The following SH3D21 variants were observed in gnomAD, a reference collection of about 807,000 sequenced individuals.
SH3D21 encodes the protein manchette microtubule inner protein 1, also known as SH3 domain-containing protein 21.
A neutral mutation model predicts 82.1 loss-of-function variants in SH3D21; 83 were observed. The ratio of observed to expected loss-of-function variants is 1.01; its 90% CI spans 0.85 to 1.21. The LOEUF is 1.21. SH3D21 is among the 50% of genes most tolerant of loss of function. The pLI is 0.00. For synonymous variants in SH3D21, 383 were observed against 387.8 expected (o/e 0.99, Z 0.15); for missense variants, 980 against 962.1 (o/e 1.02, Z -0.25).
In SH3D21 at chr1:36,307,988, C is replaced by T; in HGVS notation, c.538+25C>T. 1 of 1,551,574 alleles carries T rather than the reference C, an allele frequency of 6.4e-7. No homozygotes were observed. Among genetic ancestry groups the T allele is most frequent in the South Asian group, 1.2e-5 (1 of 84,050 alleles). The stretch of plus-strand genomic sequence containing the variant: ...GGTGAGCACCCATCCAAAGGGTCCC[C>T]CACTCCCTCAGCCACTCCCAAGGTT... On this transcript the variant is annotated intron_variant, in intron 7 of 15. Transcript: ENST00000453908. The surrounding 1 kb of genome is among the most constrained non-coding windows in gnomAD (Gnocchi z 5.4).
At chr1:36,312,169 C>T (rs557067471) in intron 10 of SH3D21, among the ~76,000 whole-genome samples, 25 of 151,948 alleles carry the variant, frequency 1.6e-4, no homozygotes, top group Middle Eastern at 6.8e-3. Flanking sequence ...GGACTACAGA[C>T]GCCCGCTACC....
chr1:36,313,992 T>TTTTTTTTTTTTTTTTTTTTTTTG (rs71053921), intron 10 of SH3D21, among the ~76,000 whole-genome samples: 1 of 106,772 alleles, frequency 9.4e-6, no homozygotes, highest in African/African-American at 3.4e-5. Flanking sequence ...TTTTTTTTTT[T>TTTTTTTTTTTTTTTTTTTTTTTG]GAGACGGAGT....
At chr1:36,326,582 A>C (rs573697353), downstream of SH3D21, among the ~76,000 whole-genome samples, 26 of 152,242 alleles carry the variant, frequency 1.7e-4, no homozygotes, top group South Asian at 5.2e-3. Context: ...AGCGTTGAGC[A>C]GGGGAGTGTC....
At chr1:36,310,910 GT>G (rs950679725) in intron 10 of SH3D21, among the ~76,000 whole-genome samples, 131 of 151,388 alleles carry the variant, frequency 8.7e-4, no homozygotes, top group African/African-American at 2.7e-3. Flanking sequence ...TGGTTTGTTT[GT>G]TTTTTTTTTT....
In SH3D21 at chr1:36,306,961, C is replaced by T; in HGVS notation, c.226+56C>T. On this transcript the variant is annotated intron_variant, in intron 3 of 15. Coordinates refer to ENST00000453908, the MANE Select transcript of SH3D21 (RefSeq NM_001162530.2). The surrounding 1 kb of genome is among the most constrained non-coding windows in gnomAD (Gnocchi z 4.5). ...GGGCGGGTGCACGGAGCCAGTGCGA[C>T]CCCGGCGTCTCCGGCTCTTAGTGAC... The T allele has an allele frequency of 7.4e-7, 1 of 1,345,288 alleles. No individual in the cohort carries two copies. The highest frequency in any genetic ancestry group is 9.6e-7 in the Non-Finnish European group (1 of 1,040,408). The allele number at this position is 1,345,288 out of a possible 1,614,324, so 83.3% of individuals were successfully genotyped here. A position where few individuals can be genotyped will look rare whatever the true frequency, so the allele number is the denominator to read the frequency against.
chr1:36,313,967 A>ATTTTATTTTTTT (rs1207014644), intron 10 of SH3D21, among the ~76,000 whole-genome samples: 2 of 36,936 alleles, frequency 5.4e-5, no homozygotes, highest in African/African-American at 7.0e-5. Flanking sequence ...TGCTGAACAT[A>ATTTTATTTTTTT]TTTTCTTTTT....
chr1:36,320,631 A>C lies in SH3D21; in HGVS notation c.1968A>C (p.Lys656Asn), dbSNP rs766817395. ...VPPIERAFAQ[K>N]TRPIKPPPDS... ...CCATAGAAAGAGCCTTTGCCCAAAA[A>C]ACACGTCCTATCAAGCCGCCTCCAG... The change falls in exon 14 of 16, where the codon AAA becomes AAC. Residue 656 changes from lysine to asparagine, a missense_variant. Coordinates refer to ENST00000453908, the MANE Select transcript of SH3D21 (RefSeq NM_001162530.2). 3.7e-6 allele frequency: 6 copies of C among 1,614,124 alleles called. No homozygotes were observed. The highest frequency in any genetic ancestry group is 5.1e-6 in the Non-Finnish European group (6 of 1,180,044).
downstream of SH3D21, chr1:36,322,417 C>T (rs1484923151): frequency 1.2e-6 from 2 of 1,602,110 alleles, no homozygotes; most frequent in South Asian, 2.2e-5. Context: ...TCGCGCTCCT[C>T]CAGCCGCTGC....
Position 36,308,177 on chromosome 1 carries a change from C to T in SH3D21, c.607C>T (p.Arg203Trp), listed in dbSNP as rs370229260. Residue 203 changes from arginine to tryptophan, a missense_variant, in exon 8 of 16, where the codon CGG (arginine) becomes TGG (tryptophan). Coordinates refer to ENST00000453908, the MANE Select transcript of SH3D21 (RefSeq NM_001162530.2). ...TGAGGCCCCAGACGAGTTGGCGCTGCGGAGGGGGGACGTGGTAAAAGTACT... is the reference window on the plus strand; with the variant it reads ...TGAGGCCCCAGACGAGTTGGCGCTGTGGAGGGGGGACGTGGTAAAAGTACT... ...QPEAPDELAL[R>W]RGDVVKVLSK... 40 of 1,546,938 alleles carry T rather than the reference C, an allele frequency of 2.6e-5. No homozygotes were observed. The highest frequency in any genetic ancestry group is 1.7e-4 in the Middle Eastern group (1 of 5,978).
In SH3D21 at chr1:36,308,066, G is replaced by C. The variant is rs760123576; in HGVS notation, c.539-43G>C. 17 of 1,546,314 alleles carry C rather than the reference G, an allele frequency of 1.1e-5. No homozygotes were observed. In the South Asian group the frequency reaches 1.9e-4, roughly 17 times the overall value. The stretch of plus-strand genomic sequence containing the variant: ...GGAGGTGGGGGCTGCTGATGGATGG[G>C]GGAGGCTTGGCTTCAGAGGACAGTG... On this transcript the variant is annotated intron_variant, in intron 7 of 15. Transcript: ENST00000453908.
At chr1:36,311,251 G>C (rs1646234668) in intron 10 of SH3D21, among the ~76,000 whole-genome samples, 1 of 149,646 alleles carries the variant, frequency 6.7e-6, no homozygotes, top group Non-Finnish European at 1.5e-5. Context: ...TTGTTTGTTT[G>C]ATTGTTTTTA....
At chr1:36,321,391 G>T, downstream of SH3D21, 1 of 1,350,358 alleles carries the variant, frequency 7.4e-7, no homozygotes, top group Middle Eastern at 2.8e-4. This position sits in a 1 kb window ranked among gnomAD's most constrained non-coding sequence, Gnocchi z 6.1. Flanking sequence ...GATGGTGAGG[G>T]GCGGGGGAGG....
chr1:36,321,583 A>C, downstream of SH3D21: 3 of 813,562 alleles, frequency 3.7e-6, no homozygotes, highest in African/African-American at 1.8e-5. The surrounding 1 kb of genome is among the most constrained non-coding windows in gnomAD (Gnocchi z 6.1). Context: ...GCTCAGAGGG[A>C]CTCCTGCCCT....
chr1:36,327,670 G>A, downstream of SH3D21: 1 of 1,194,152 alleles, frequency 8.4e-7, no homozygotes. Context: ...ATGGTTGCTG[G>A]TTGCTTCAGA....
rs1392670912 is a variant in SH3D21 at position 36,307,738 on chromosome 1, G to A, written c.437-32G>A. 2 of 1,549,100 alleles carry A rather than the reference G, an allele frequency of 1.3e-6. No homozygotes were observed. Among genetic ancestry groups the A allele is most frequent in the Admixed American group, 2.0e-5 (1 of 50,820 alleles). On this transcript the variant is annotated intron_variant, in intron 5 of 15. Coordinates refer to ENST00000453908, the MANE Select transcript of SH3D21 (RefSeq NM_001162530.2). The surrounding 1 kb of genome is among the most constrained non-coding windows in gnomAD (Gnocchi z 5.4). ...CTCCCATGACCTAACCTGTGAATTA[G>A]CACCCTCCCTAACCTCACTGTCCCC...
downstream of SH3D21, chr1:36,321,479 C>T: frequency 1.1e-6 from 1 of 933,650 alleles, no homozygotes; most frequent in Non-Finnish European, 1.4e-6. The surrounding 1 kb of genome is among the most constrained non-coding windows in gnomAD (Gnocchi z 6.1). Context: ...GCTCTTGACG[C>T]CCGGCCTAGA....
chr1:36,327,669 G>T (rs993498090), downstream of SH3D21: 29 of 1,194,022 alleles, frequency 2.4e-5, no homozygotes, highest in Middle Eastern at 1.1e-3. Context: ...GATGGTTGCT[G>T]GTTGCTTCAG....
chr1:36,320,495 C>T lies in SH3D21; in HGVS notation c.1832C>T (p.Pro611Leu). Reference protein sequence around the residue: ...EEEAPPNEQRPLREEVLPKEG... With the variant: ...EEEAPPNEQRLLREEVLPKEG... ...GAGGCGCCCCCCAACGAGCAGAGGC[C>T]TCTGAGAGAGGAGGTGCTCCCCAAA... The change falls in exon 14 of 16, where the codon CCT becomes CTT. Residue 611 changes from proline (P) to leucine (L), a missense_variant. Transcript: ENST00000453908. 3 of 1,614,150 alleles carry T rather than the reference C, an allele frequency of 1.9e-6. No homozygotes were observed. The South Asian group carries it at 3.3e-5, about 18-fold the overall frequency.
downstream of SH3D21, chr1:36,322,837 A>G: frequency 1.3e-6 from 2 of 1,492,866 alleles, no homozygotes; most frequent in Admixed American, 1.8e-5. Flanking sequence ...CCCCTACTCG[A>G]AGGGCATTAG....
Sources: gnomAD v4.1 joint callset for allele counts (sites outside exome capture counted in the v4.1 genomes callset) on GRCh38, gnomAD v4.1.1 for gene constraint, Gnocchi (gnomAD v3.1) non-coding constraint, MANE v1.5 for transcripts, NCBI Gene and HGNC (gene_info 2026-07-23, HGNC 2026-07-21) for gene names.